The following CUBN variants were observed in gnomAD, a reference collection of about 807,000 sequenced individuals.
The protein encoded by CUBN is 460 kDa receptor.
CUBN carries 282 observed loss-of-function variants against 405.3 expected under a neutral mutation model. The ratio of observed to expected loss-of-function variants is 0.70; its 90% CI spans 0.63 to 0.77. CUBN has a LOEUF of 0.77. CUBN is among the 30% of genes least tolerant of loss of function. The pLI is 0.00. For missense variants in CUBN, 4,514 were observed against 4,475.2 expected, an observed-to-expected ratio of 1.01 and a Z score of -0.25; for synonymous variants, 1,684 against 1,617.0, an observed-to-expected ratio of 1.04 and a Z score of -0.99.
chr10:16,959,046 C>A (rs1471330198), intron 31 of CUBN, among the ~76,000 whole-genome samples: 2 of 152,106 alleles, frequency 1.3e-5, no homozygotes, highest in African/African-American at 4.8e-5. Flanking sequence ...CCTGTTGTTG[C>A]AAGCCCTTTT....
intron 28 of CUBN, among the ~76,000 whole-genome samples, chr10:17,000,198 C>A (rs545883460): frequency 6.6e-6 from 1 of 152,230 alleles, no homozygotes; most frequent in Non-Finnish European, 1.5e-5. Flanking sequence ...TACCCTTTTA[C>A]TCTTCACTTT....
chr10:17,006,297 T>C (rs1047243278), intron 28 of CUBN, among the ~76,000 whole-genome samples: 4 of 152,178 alleles, frequency 2.6e-5, no homozygotes, highest in African/African-American at 9.7e-5. Flanking sequence ...AATCATGTAA[T>C]TAACATGATT....
chr10:17,088,111 G>T, intron 15 of CUBN, 53 bp downstream of exon 15: 1 of 1,433,664 alleles, frequency 7.0e-7, no homozygotes, highest in Non-Finnish European at 9.8e-7. Context: ...AGACCATAGT[G>T]CCCTGAGTCC....
chr10:16,860,467 T>C (rs370574356), intron 59 of CUBN, among the ~76,000 whole-genome samples: 30 of 152,314 alleles, frequency 2.0e-4, no homozygotes, highest in African/African-American at 6.3e-4. Flanking sequence ...TGTGCCACAT[T>C]ATATGGCTTC....
At chr10:17,009,470 T>C (rs1218081423) in intron 28 of CUBN, among the ~76,000 whole-genome samples, 1 of 152,198 alleles carries the variant, frequency 6.6e-6, no homozygotes, top group African/African-American at 2.4e-5. Context: ...GATACAGTAA[T>C]CTGGGCACAG....
At chr10:16,884,014 C>G (rs530901953) in intron 56 of CUBN, among the ~76,000 whole-genome samples, 4 of 152,152 alleles carry the variant, frequency 2.6e-5, no homozygotes, top group African/African-American at 7.2e-5. Context: ...GAGTCTTGCT[C>G]TGTTGTCCAG....
intron 34 of CUBN, 81 bp downstream of exon 34, chr10:16,949,920 G>T (rs931548272): frequency 2.9e-6 from 3 of 1,024,874 alleles, no homozygotes; most frequent in African/African-American, 3.2e-5. Flanking sequence ...TTGCAACCTA[G>T]AATGGCAGCC....
chr10:16,965,163 G>A (rs1843351915), intron 31 of CUBN, among the ~76,000 whole-genome samples: 1 of 152,158 alleles, frequency 6.6e-6, no homozygotes, highest in African/African-American at 2.4e-5. Flanking sequence ...CCTCTCTGGT[G>A]TCTTGGTGTG....
intron 31 of CUBN, among the ~76,000 whole-genome samples, chr10:16,966,745 G>A (rs535830191): frequency 5.3e-5 from 8 of 152,326 alleles, no homozygotes; most frequent in Non-Finnish European, 1.0e-4. Flanking sequence ...CACTGTGCCA[G>A]TCCCGCTTTG....
intron 62 of CUBN, 83 bp downstream of exon 62, chr10:16,840,247 C>T (rs1425931010): frequency 2.5e-6 from 3 of 1,211,050 alleles, no homozygotes; most frequent in Non-Finnish European, 3.7e-6. Flanking sequence ...ATTATTTCAT[C>T]ATGGCTTCAT....
At chr10:17,074,151 A>G (rs1189809946) in intron 17 of CUBN, among the ~76,000 whole-genome samples, 1 of 152,238 alleles carries the variant, frequency 6.6e-6, no homozygotes, top group Middle Eastern at 3.2e-3. Context: ...TGCAGGTGAC[A>G]ATACCATGAA....
At chr10:16,921,077 GC>G (rs1842020986) in intron 43 of CUBN, among the ~76,000 whole-genome samples, 1 of 152,162 alleles carries the variant, frequency 6.6e-6, no homozygotes, top group Admixed American at 6.5e-5. Flanking sequence ...GGAAATTGAT[GC>G]CCCTGCAAAT....
At chr10:16,865,780 G>A (rs1438531983) in intron 59 of CUBN, among the ~76,000 whole-genome samples, 2 of 152,110 alleles carry the variant, frequency 1.3e-5, no homozygotes, top group Non-Finnish European at 2.9e-5. Context: ...GCCAGCAGCC[G>A]CAACCTGCTC....
chr10:17,113,896 A>G, intron 8 of CUBN, 131 bp downstream of exon 8: 1 of 892,852 alleles, frequency 1.1e-6, no homozygotes, highest in Non-Finnish European at 1.8e-6. Context: ...GTCGAGCAGA[A>G]CCAGGACACA....
chr10:16,905,169 T>A (rs186803654), intron 50 of CUBN, among the ~76,000 whole-genome samples: 60 of 152,376 alleles, frequency 3.9e-4, no homozygotes, highest in African/African-American at 1.4e-3. Context: ...TTTTACAGTA[T>A]GGATGATTAC....
chr10:16,912,836 G>T (rs1381669409), intron 48 of CUBN, among the ~76,000 whole-genome samples: 1 of 152,172 alleles, frequency 6.6e-6, no homozygotes, highest in Non-Finnish European at 1.5e-5. Context: ...ATTTTCCTCT[G>T]AGTTAGATGA....
chr10:16,974,021 T>C (rs530418258), intron 31 of CUBN, among the ~76,000 whole-genome samples: 6 of 152,302 alleles, frequency 3.9e-5, no homozygotes, highest in Non-Finnish European at 7.3e-5. Context: ...TCTCTTCTTC[T>C]AGTCCTCATT....
At chr10:16,904,627 C>A (rs185804946) in intron 50 of CUBN, among the ~76,000 whole-genome samples, 1 of 152,210 alleles carries the variant, frequency 6.6e-6, no homozygotes, top group Non-Finnish European at 1.5e-5. Flanking sequence ...GATTACATTT[C>A]GTGGGTTTGA....
chr10:17,098,805 A>G (rs1230635563), intron 14 of CUBN, among the ~76,000 whole-genome samples: 1 of 152,248 alleles, frequency 6.6e-6, no homozygotes, highest in Admixed American at 6.5e-5. Flanking sequence ...TAGAAAATTA[A>G]TATTTCACTA....
Sources: allele counts gnomAD v4.1 joint callset (sites outside exome capture counted in the v4.1 genomes callset), GRCh38; gene constraint gnomAD v4.1.1; transcripts MANE v1.5; gene names NCBI Gene and HGNC (gene_info 2026-07-23, HGNC 2026-07-21).